The following SH3RF1 variants were observed in gnomAD, a reference collection of about 807,000 sequenced individuals.
The protein encoded by SH3RF1 is SH3 domain containing ring finger 1, also known as E3 ubiquitin-protein ligase SH3RF1.
Under a neutral mutation model 74.0 loss-of-function variants are expected in SH3RF1, and 32 were observed. The observed-to-expected ratio is 0.43, with a 90% confidence interval of 0.33 to 0.58. The LOEUF (loss-of-function observed/expected upper bound fraction) is 0.58, where lower values mean the gene tolerates loss of function less well. Ranked by LOEUF, SH3RF1 falls within the 20% of genes least tolerant of loss-of-function variation. The pLI, the probability that SH3RF1 is intolerant of heterozygous loss-of-function variation, is 0.05. For missense variants in SH3RF1, 954 were observed against 1,130.9 expected, an observed-to-expected ratio of 0.84 and a Z score of 2.24; for synonymous variants, 396 against 439.6, an observed-to-expected ratio of 0.90 and a Z score of 1.24.
At chr4:169,176,223 T>C (rs1734418799) in intron 2 of SH3RF1, among the ~76,000 whole-genome samples, 1 of 152,084 alleles carries the variant, frequency 6.6e-6, no homozygotes, top group Non-Finnish European at 1.5e-5. Context: ...CCCTAAGACA[T>C]TGGTGAAAGG....
intron 2 of SH3RF1, among the ~76,000 whole-genome samples, chr4:169,239,238 TA>T (rs1231819386): frequency 2.6e-5 from 4 of 152,160 alleles, no homozygotes; most frequent in Non-Finnish European, 5.9e-5. Context: ...TAAATCTACC[TA>T]CTTTGTAAAA....
Position 169,107,213 on chromosome 4 carries a change from A to G in SH3RF1, c.2140-8T>C. On this transcript the variant is annotated splice_polypyrimidine_tract_variant and splice_region_variant and intron_variant, in intron 10 of 11. Coordinates refer to ENST00000284637, the MANE Select transcript of SH3RF1 (RefSeq NM_020870.4). ...CAAACCCTTTTTTTCTTTCTGGAAA[A>G]AAAAAATAATGAGCCTTAGTTGGAG... 1 of 1,527,212 alleles carries G rather than the reference A, an allele frequency of 6.5e-7. No individual in the cohort carries two copies. Among genetic ancestry groups the G allele is most frequent in the Non-Finnish European group, 8.8e-7 (1 of 1,137,008 alleles). 94.6% of individuals were successfully genotyped at this position (1,527,212 alleles called of 1,614,324 possible). A position where few individuals can be genotyped will look rare whatever the true frequency, so the allele number is the denominator to read the frequency against.
chr4:169,098,441 T>C (rs1360252764), intron 11 of SH3RF1, among the ~76,000 whole-genome samples: 1 of 152,096 alleles, frequency 6.6e-6, no homozygotes, highest in Non-Finnish European at 1.5e-5. Context: ...CCAATTCCCA[T>C]TCCATATAAA....
intron 2 of SH3RF1, among the ~76,000 whole-genome samples, chr4:169,251,162 T>A (rs560388297): frequency 4.3e-4 from 65 of 152,322 alleles, no homozygotes; most frequent in African/African-American, 1.4e-3. Context: ...GAGACACAAG[T>A]GGACAGAAGG....
chr4:169,209,918 T>C (rs1158908898), intron 2 of SH3RF1, among the ~76,000 whole-genome samples: 1 of 152,134 alleles, frequency 6.6e-6, no homozygotes, highest in Non-Finnish European at 1.5e-5. Context: ...GTCACCCAAG[T>C]AGCTGGGACT....
At chr4:169,147,612 C>T (rs974140056) in intron 4 of SH3RF1, among the ~76,000 whole-genome samples, 3 of 152,164 alleles carry the variant, frequency 2.0e-5, no homozygotes, top group Admixed American at 6.5e-5. Context: ...GGAATTTTCG[C>T]CCCACAAATA....
chr4:169,104,993 T>C (rs1733108573), intron 11 of SH3RF1, among the ~76,000 whole-genome samples: 1 of 152,158 alleles, frequency 6.6e-6, no homozygotes, highest in South Asian at 2.1e-4. Context: ...CCAGTTTATT[T>C]TTAAGTTAAA....
intron 4 of SH3RF1, among the ~76,000 whole-genome samples, chr4:169,143,037 T>TA (rs1733812242): frequency 6.6e-6 from 1 of 152,334 alleles, no homozygotes; most frequent in South Asian, 2.1e-4. Flanking sequence ...TTAAAATTGA[T>TA]ATGAAAGCCT....
Position 169,118,200 on chromosome 4 carries a change from CAT to C in SH3RF1, c.1518-420_1518-419del, listed in dbSNP as rs769602185. Reference sequence around the variant, plus strand: ...TACTTGCCTCCAGCTCCACATCACACATGTGCCCATGTACATGCATGCACACA... The same window carrying C: ...TACTTGCCTCCAGCTCCACATCACACGTGCCCATGTACATGCATGCACACA... On this transcript the variant is annotated intron_variant, in intron 8 of 11. Transcript: ENST00000284637. Among the ~76,000 whole-genome samples the C allele has an allele frequency of 9.1e-4, 138 of 152,336 alleles. 1 individual carries two copies. The highest frequency in any genetic ancestry group is 6.8e-3 in the Middle Eastern group (2 of 294).
At chr4:169,145,521 AC>A (rs528743979) in intron 4 of SH3RF1, among the ~76,000 whole-genome samples, 98 of 149,872 alleles carry the variant, frequency 6.5e-4, no homozygotes, top group Non-Finnish European at 1.2e-3. Flanking sequence ...TGCATGTAAT[AC>A]CAATGTAATA....
intron 10 of SH3RF1, among the ~76,000 whole-genome samples, chr4:169,111,536 A>T (rs1255656442): frequency 6.6e-6 from 1 of 150,694 alleles, no homozygotes; most frequent in Non-Finnish European, 1.5e-5. Flanking sequence ...AACTTTTGGG[A>T]TTATAGGTGT....
rs765965887 is a variant in SH3RF1, at chr4:169,269,246, A to G, written c.-34T>C. 2 of 1,529,216 alleles carry G rather than the reference A, an allele frequency of 1.3e-6. No homozygotes were observed. Among genetic ancestry groups the G allele is most frequent in the East Asian group, 4.5e-5 (2 of 44,148 alleles). 94.7% of individuals were successfully genotyped at this position (1,529,216 alleles called of 1,614,324 possible). On this transcript the variant is annotated 5_prime_UTR_variant, in exon 2 of 12. Coordinates refer to ENST00000284637, the MANE Select transcript of SH3RF1 (RefSeq NM_020870.4). ...ACTTTACTGAGAAAAAATCTTCAGA[A>G]ATGTTCATAGTTGTGTGCATCCCTT...
At chr4:169,177,336 G>C (rs182386784) in intron 2 of SH3RF1, among the ~76,000 whole-genome samples, 1 of 152,092 alleles carries the variant, frequency 6.6e-6, no homozygotes. Context: ...TCCTCAGCTT[G>C]TACACTAGAG....
chr4:169,166,701 C>G (rs761319651), intron 2 of SH3RF1: 10 of 210,404 alleles, frequency 4.8e-5, no homozygotes, highest in Admixed American at 3.7e-4. Context: ...CAGCATCACC[C>G]CAGGGACCAT....
chr4:169,109,059 G>A (rs1579086118), intron 10 of SH3RF1, among the ~76,000 whole-genome samples: 2 of 152,224 alleles, frequency 1.3e-5, no homozygotes, highest in South Asian at 4.1e-4. Context: ...TGTACTTATT[G>A]TAGACAGCCT....
chr4:169,229,245 A>C (rs1469743424), intron 2 of SH3RF1, among the ~76,000 whole-genome samples: 1 of 152,192 alleles, frequency 6.6e-6, no homozygotes, highest in Non-Finnish European at 1.5e-5. Context: ...AGAATAATTA[A>C]CATTTGAATT....
At chr4:169,259,011 T>C (rs1731232797) in intron 2 of SH3RF1, among the ~76,000 whole-genome samples, 2 of 152,166 alleles carry the variant, frequency 1.3e-5, no homozygotes, top group African/African-American at 2.4e-5. Flanking sequence ...TATTTTGGGG[T>C]ACTTCACATA....
In SH3RF1 at chr4:169,268,869, G is replaced by T; in HGVS notation, c.344C>A (p.Ser115Tyr). Reference sequence around the variant, plus strand: ...CACCCGAGGCTGCTGTCCGCCCTGGGAGCTCTGCAGATCTTTTGAGCTACA... The same window carrying T: ...CACCCGAGGCTGCTGTCCGCCCTGGTAGCTCTGCAGATCTTTTGAGCTACA... Reference protein sequence around the residue: ...ANCSSKDLQSSQGGQQPRVQS... With the variant: ...ANCSSKDLQSYQGGQQPRVQS... Residue 115 changes from serine to tyrosine, a missense_variant, in exon 2 of 12, where the codon TCC becomes TAC. Transcript: ENST00000284637. The T allele has an allele frequency of 6.2e-7, 1 of 1,611,904 alleles. No homozygotes were observed. The highest frequency in any genetic ancestry group is 8.5e-7 in the Non-Finnish European group (1 of 1,179,586).
chr4:169,228,904 T>C (rs1730691237), intron 2 of SH3RF1, among the ~76,000 whole-genome samples: 1 of 152,206 alleles, frequency 6.6e-6, no homozygotes, highest in Admixed American at 6.5e-5. Flanking sequence ...AATTTTGTAA[T>C]GTTAGAATTT....
Sources: allele counts gnomAD v4.1 joint callset (sites outside exome capture counted in the v4.1 genomes callset), GRCh38; gene constraint gnomAD v4.1.1; transcripts MANE v1.5; gene names NCBI Gene and HGNC (gene_info 2026-07-23, HGNC 2026-07-21).